The following SMIM31 variants were observed in gnomAD, a reference collection of about 807,000 sequenced individuals.
SMIM31 encodes human epithelial cell program regulator.
At chr4:164,766,369 C>T (rs760069634) in intron 1 of SMIM31, among the ~76,000 whole-genome samples, 3 of 152,082 alleles carry the variant, frequency 2.0e-5, no homozygotes, top group Non-Finnish European at 4.4e-5. Context: ...TGCATCCACT[C>T]GTTTATGGTC....
intron 1 of SMIM31, among the ~76,000 whole-genome samples, chr4:164,757,170 G>A (rs745498519): frequency 9.2e-5 from 14 of 152,174 alleles, no homozygotes; most frequent in Middle Eastern, 3.4e-3. Context: ...GATGAATGTC[G>A]TTAAGCATTT....
chr4:164,772,599 G>T (rs1039996675), intron 2 of SMIM31, among the ~76,000 whole-genome samples: 4 of 42,988 alleles, frequency 9.3e-5, no homozygotes, highest in Admixed American at 2.0e-4. Context: ...TTTTTTTTGA[G>T]ACGGAGTCTC....
At chr4:164,773,824 GTCT>G (rs1732845185) in intron 2 of SMIM31, among the ~76,000 whole-genome samples, 2 of 152,138 alleles carry the variant, frequency 1.3e-5, no homozygotes, top group South Asian at 2.1e-4. Context: ...TGTTAGTGGA[GTCT>G]TCTTCTTGGG....
intron 1 of SMIM31, among the ~76,000 whole-genome samples, chr4:164,758,761 A>G (rs1204350798): frequency 7.4e-6 from 1 of 134,272 alleles, no homozygotes; most frequent in African/African-American, 2.8e-5. Context: ...AGCCTCCAGC[A>G]TAGCTGGGAC....
intron 2 of SMIM31, among the ~76,000 whole-genome samples, chr4:164,784,140 G>A (rs1245988826): frequency 6.6e-6 from 1 of 152,190 alleles, no homozygotes; most frequent in African/African-American, 2.4e-5. Context: ...GGGCCCAGCT[G>A]GGAGTTGAGA....
intron 2 of SMIM31, among the ~76,000 whole-genome samples, chr4:164,779,667 A>G (rs1156292464): frequency 1.3e-5 from 2 of 152,164 alleles, no homozygotes; most frequent in African/African-American, 2.4e-5. Flanking sequence ...TCTCAACTGA[A>G]AGCCACAAAC....
chr4:164,764,755 T>A (rs528367346), intron 1 of SMIM31, among the ~76,000 whole-genome samples: 1 of 152,228 alleles, frequency 6.6e-6, no homozygotes, highest in East Asian at 1.9e-4. Flanking sequence ...AATATTTGTC[T>A]AGACAAAGGA....
chr4:164,775,960 T>A (rs1732875443), intron 2 of SMIM31, among the ~76,000 whole-genome samples: 1 of 152,202 alleles, frequency 6.6e-6, no homozygotes, highest in African/African-American at 2.4e-5. Flanking sequence ...TGTTCTTTTT[T>A]GCAAGGCTGG....
At position 164,788,492 on chromosome 4, in the gene SMIM31, T is replaced by C. The variant is rs1327712719; in HGVS notation, c.113-12599T>C. The stretch of plus-strand genomic sequence containing the variant: ...TTCTAATTTTTCTTTTTTTTTTTTT[T>C]TTTTTTTTTTTTTTGAGACGGAGTT... On this transcript the variant is annotated intron_variant, in intron 2 of 2. Coordinates refer to ENST00000507311, the MANE Select transcript of SMIM31 (RefSeq NM_001352885.1). 3.4e-5 allele frequency among the ~76,000 whole-genome samples: 4 copies of C among 118,302 alleles called. No homozygotes were observed. The East Asian group carries it at 9.6e-4, about 28-fold the overall frequency. 77.6% of individuals were successfully genotyped at this position (118,302 alleles called of 152,430 possible).
chr4:164,760,738 T>TA (rs60710008), intron 1 of SMIM31, among the ~76,000 whole-genome samples: 1,078 of 86,188 alleles, frequency 0.013, 16 homozygotes, highest in African/African-American at 0.038. Context: ...AGACTCCACC[T>TA]AAAAAAAAAA....
chr4:164,782,300 A>G (rs1436528933), intron 2 of SMIM31, among the ~76,000 whole-genome samples: 1 of 152,062 alleles, frequency 6.6e-6, no homozygotes, highest in Non-Finnish European at 1.5e-5. Context: ...ACAAAAAAAA[A>G]AGTGAATTTT....
chr4:164,788,651 G>A (rs1427106977), intron 2 of SMIM31, among the ~76,000 whole-genome samples: 3 of 151,098 alleles, frequency 2.0e-5, no homozygotes, highest in South Asian at 2.1e-4. Flanking sequence ...CACCACGCCC[G>A]GCTAATTTTG....
At chr4:164,778,035 T>C (rs1428927173) in intron 2 of SMIM31, among the ~76,000 whole-genome samples, 1 of 152,206 alleles carries the variant, frequency 6.6e-6, no homozygotes, top group Non-Finnish European at 1.5e-5. Context: ...ATAAGCATGT[T>C]TGTTGTTTAA....
At position 164,774,493 on chromosome 4, in the gene SMIM31, A is replaced by G. The variant is rs963907074; in HGVS notation, c.112+3938A>G. Among the ~76,000 whole-genome samples, 4 of 152,230 alleles carry G rather than the reference A, an allele frequency of 2.6e-5. No individual in the cohort carries two copies. In the East Asian group the frequency reaches 7.7e-4, roughly 29 times the overall value. ...CCCAAAATAGTGTGAAGTGAATGCCAAAGAAGTGAAAGACATCTCAGAAAA... is the reference window on the plus strand; with the variant it reads ...CCCAAAATAGTGTGAAGTGAATGCCGAAGAAGTGAAAGACATCTCAGAAAA... On this transcript the variant is annotated intron_variant, in intron 2 of 2. Coordinates refer to ENST00000507311, the MANE Select transcript of SMIM31 (RefSeq NM_001352885.1).
At chr4:164,765,997 G>A (rs1170442974) in intron 1 of SMIM31, among the ~76,000 whole-genome samples, 1 of 152,096 alleles carries the variant, frequency 6.6e-6, no homozygotes, top group Non-Finnish European at 1.5e-5. Flanking sequence ...TGCTGTCCCC[G>A]AGCAATCATA....
At chr4:164,789,789 C>T (rs1733076453) in intron 2 of SMIM31, among the ~76,000 whole-genome samples, 1 of 152,184 alleles carries the variant, frequency 6.6e-6, no homozygotes, top group Admixed American at 6.5e-5. Flanking sequence ...AGAATAAGTT[C>T]TGTTTCATTC....
intron 2 of SMIM31, 137 bp from the exon 3 acceptor site, chr4:164,800,954 C>A: frequency 2.6e-6 from 1 of 389,320 alleles, no homozygotes; most frequent in Non-Finnish European, 4.5e-6. Flanking sequence ...TCTCCTTTCG[C>A]TAGGTGTAAT....
chr4:164,785,734 T>A (rs1260783036), intron 2 of SMIM31, among the ~76,000 whole-genome samples: 1 of 146,418 alleles, frequency 6.8e-6, no homozygotes, highest in Non-Finnish European at 1.5e-5. Context: ...TTTAAGCTTC[T>A]TGTGTGTGTA....
chr4:164,766,713 G>T (rs193149897), intron 1 of SMIM31, among the ~76,000 whole-genome samples: 1 of 151,836 alleles, frequency 6.6e-6, no homozygotes, highest in African/African-American at 2.4e-5. Context: ...CAGGAGAATC[G>T]CTTGAACCCG....
Sources: allele counts gnomAD v4.1 joint callset (sites outside exome capture counted in the v4.1 genomes callset), GRCh38; gene constraint gnomAD v4.1.1; transcripts MANE v1.5; gene names NCBI Gene and HGNC (gene_info 2026-07-23, HGNC 2026-07-21).